Variants in PPL observed in about 807,000 individuals in gnomAD.
PPL encodes the protein periplakin, also known as 190 kDa paraneoplastic pemphigus antigen.
Under a neutral mutation model 194.4 loss-of-function variants are expected in PPL, and 198 were observed. The observed-to-expected ratio is 1.02, with a 90% CI of 0.91 to 1.15. The LOEUF is 1.15. Among genes scored for constraint, PPL ranks in the 50% most tolerant of loss-of-function variants. The pLI, the probability that PPL is intolerant of heterozygous loss-of-function variation, is 0.00. For missense variants in PPL, 2,885 were observed against 2,294.8 expected (o/e 1.26, Z -5.25); for synonymous variants, 1,220 against 972.4 (o/e 1.25, Z -4.74).
At chr16:4,897,961 C>T (rs1341389128) in intron 8 of PPL, among the ~76,000 whole-genome samples, 191 bp from the exon 9 acceptor site, 1 of 152,142 alleles carries the variant, frequency 6.6e-6, no homozygotes, top group Non-Finnish European at 1.5e-5. Context: ...CGTCAAGGAG[C>T]CAAACAGGGA....
intron 1 of PPL, 117 bp downstream of exon 1, chr16:4,936,867 T>C: frequency 9.5e-7 from 1 of 1,057,036 alleles, no homozygotes; most frequent in Non-Finnish European, 1.3e-6. Flanking sequence ...CCGGGTTCAG[T>C]TCCCGGTTCC....
chr16:4,928,600 C>A (rs1281062056), intron 1 of PPL, among the ~76,000 whole-genome samples: 1 of 152,236 alleles, frequency 6.6e-6, no homozygotes, highest in Non-Finnish European at 1.5e-5. Context: ...TTTAGGGTTT[C>A]AAATTCTCTG....
intron 21 of PPL, among the ~76,000 whole-genome samples, chr16:4,886,288 C>G (rs1462042917): frequency 6.6e-6 from 1 of 152,200 alleles, no homozygotes; most frequent in Non-Finnish European, 1.5e-5. Context: ...ACCACGGTCT[C>G]CCACCTCTGG....
At chr16:4,896,546 C>T (rs531089184) in intron 9 of PPL, among the ~76,000 whole-genome samples, 1 of 151,960 alleles carries the variant, frequency 6.6e-6, no homozygotes, top group Admixed American at 6.6e-5. Context: ...ACTTCTGGAA[C>T]AGGCAAGTCC....
In PPL at chr16:4,890,983, C is replaced by T. The variant is rs568371243; in HGVS notation, c.1969-62G>A. The T allele has an allele frequency of 2.3e-4, 328 of 1,406,078 alleles. 6 individuals carry two copies. The South Asian group carries it at 2.9e-3, about 12-fold the overall frequency. The allele number at this position is 1,406,078 out of a possible 1,614,324, so 87.1% of individuals were successfully genotyped here. On this transcript the variant is annotated intron_variant, in intron 16 of 21. Transcript: ENST00000345988. Reference sequence around the variant, plus strand: ...CAGAGCTCCCAGAGCCAGGCGATGACACCCACTGAAGCCCCTGGGCCACTG... The same window carrying T: ...CAGAGCTCCCAGAGCCAGGCGATGATACCCACTGAAGCCCCTGGGCCACTG...
At position 4,902,295 on chromosome 16, in the gene PPL, G is replaced by C; in HGVS notation, c.438+111C>G. 1 of 1,498,920 alleles carries C rather than the reference G, an allele frequency of 6.7e-7. No individual in the cohort carries two copies. The highest frequency in any genetic ancestry group is 9.0e-7 in the Non-Finnish European group (1 of 1,112,156). 92.9% of individuals were successfully genotyped at this position (1,498,920 alleles called of 1,614,324 possible). A position where few individuals can be genotyped will look rare whatever the true frequency, so the allele number is the denominator to read the frequency against. On this transcript the variant is annotated intron_variant, in intron 4 of 21. Coordinates refer to ENST00000345988, the MANE Select transcript of PPL (RefSeq NM_002705.5). This position sits in a 1 kb window ranked among gnomAD's most constrained non-coding sequence, Gnocchi z 4.0. The stretch of plus-strand genomic sequence containing the variant: ...CTGGAAAACCATCAGGACCACGACT[G>C]TCTCCCTGGTAAGACCCGGGATGCC...
chr16:4,888,522 A>G (rs2088255517), intron 19 of PPL, among the ~76,000 whole-genome samples: 1 of 152,142 alleles, frequency 6.6e-6, no homozygotes. Flanking sequence ...TGCTTTTAAC[A>G]TCGTACCATA....
chr16:4,916,540 C>G (rs1159970860), intron 1 of PPL, among the ~76,000 whole-genome samples: 4 of 152,064 alleles, frequency 2.6e-5, no homozygotes, highest in African/African-American at 9.7e-5. Context: ...GGGTCTCACT[C>G]TGTTGCCCAG....
At chr16:4,908,193 A>G (rs1184224955) in intron 2 of PPL, among the ~76,000 whole-genome samples, 1 of 150,706 alleles carries the variant, frequency 6.6e-6, no homozygotes, top group East Asian at 2.0e-4. Flanking sequence ...AAAGAAAGAA[A>G]GAAAAAATTG....
intron 8 of PPL, 31 bp from the exon 9 acceptor site, chr16:4,897,801 T>G (rs747536178): frequency 1.9e-6 from 3 of 1,582,514 alleles, no homozygotes; most frequent in Non-Finnish European, 2.6e-6. Context: ...CGGTCACCAC[T>G]GGGCAGGTAC....
At chr16:4,898,046 A>G (rs1198574745) in intron 8 of PPL, among the ~76,000 whole-genome samples, 2 of 152,210 alleles carry the variant, frequency 1.3e-5, no homozygotes, top group East Asian at 3.9e-4. Context: ...GCAAATCTGT[A>G]CAAAGGCACT....
chr16:4,915,255 C>G (rs945778073), intron 1 of PPL, among the ~76,000 whole-genome samples: 2 of 152,222 alleles, frequency 1.3e-5, no homozygotes, highest in African/African-American at 4.8e-5. Context: ...CCTGATGGGA[C>G]AAAGCTGTGA....
chr16:4,932,188 T>G (rs1220461385), intron 1 of PPL, among the ~76,000 whole-genome samples: 1 of 151,846 alleles, frequency 6.6e-6, no homozygotes. Flanking sequence ...CACTTCCACC[T>G]GCATGGCAGG....
chr16:4,895,111 G>A, intron 11 of PPL, 150 bp downstream of exon 11: 2 of 1,035,488 alleles, frequency 1.9e-6, no homozygotes, highest in Middle Eastern at 2.4e-4. Flanking sequence ...AGGGGTGCCA[G>A]TTGGCCTGCA....
intron 19 of PPL, chr16:4,888,667 T>G (rs1462889406): frequency 7.4e-6 from 3 of 405,684 alleles, no homozygotes; most frequent in African/African-American, 2.0e-5. Context: ...CGTACTAGTT[T>G]TGCTATTGTA....
Position 4,884,024 on chromosome 16 carries a change from A to G in PPL, c.4631T>C (p.Leu1544Pro). Residue 1544 changes from leucine to proline, a missense_variant, in exon 22 of 22, where the codon CTT becomes CCT. Transcript: ENST00000345988. The surrounding 1 kb of genome is among the most constrained non-coding windows in gnomAD (Gnocchi z 5.7). ...DVEVSRLEAR[L>P]SELEFHNSKS... ...GGAGTTATGGAATTCCAGCTCCGAA[A>G]GCCTGGCTTCCAGCCGGCTCACCTC... is the stretch of plus-strand genomic sequence containing the variant. 1 of 1,613,818 alleles carries G rather than the reference A, an allele frequency of 6.2e-7. No homozygotes were observed. Among genetic ancestry groups the G allele is most frequent in the South Asian group, 1.1e-5 (1 of 91,090 alleles).
chr16:4,886,000 C>A lies in PPL; in HGVS notation c.2655G>T (p.Pro885=). 1 of 1,613,932 alleles carries A rather than the reference C, an allele frequency of 6.2e-7. No homozygotes were observed. The highest frequency in any genetic ancestry group is 8.5e-7 in the Non-Finnish European group (1 of 1,180,024). The stretch of plus-strand genomic sequence containing the variant: ...TCCACGCCTCCTCCACTCCAGAGTC[C>A]GGCCTATTCCTTTGCAGGGTCTCAT... The part of the protein sequence containing the change: ...VTHETLQRNR[P]DSGVEEAWKI... Residue 885 remains proline, a synonymous_variant, in exon 22 of 22, where the codon CCG becomes CCT. Transcript: ENST00000345988. The surrounding 1 kb of genome is among the most constrained non-coding windows in gnomAD (Gnocchi z 6.3).
At position 4,886,001 on chromosome 16, in the gene PPL, G is replaced by T; in HGVS notation, c.2654C>A (p.Pro885Gln). 1.2e-6 allele frequency: 2 copies of T among 1,613,898 alleles called. No homozygotes were observed. Among genetic ancestry groups the T allele is most frequent in the South Asian group, 2.2e-5 (2 of 91,074 alleles). ...CCACGCCTCCTCCACTCCAGAGTCC[G>T]GCCTATTCCTTTGCAGGGTCTCATG... ...VTHETLQRNRPDSGVEEAWKI... is the reference protein window; with the variant it reads ...VTHETLQRNRQDSGVEEAWKI... The change falls in exon 22 of 22, where the codon CCG becomes CAG. Residue 885 changes from proline to glutamine, a missense_variant. Coordinates refer to ENST00000345988, the MANE Select transcript of PPL (RefSeq NM_002705.5).
At chr16:4,919,183 C>T (rs1224295659) in intron 1 of PPL, among the ~76,000 whole-genome samples, 2 of 152,176 alleles carry the variant, frequency 1.3e-5, no homozygotes, top group Admixed American at 6.5e-5. Flanking sequence ...GGGCAGTGGC[C>T]GCTGGCCCTC....
Sources: allele counts gnomAD v4.1 joint callset (sites outside exome capture counted in the v4.1 genomes callset), GRCh38; gene constraint gnomAD v4.1.1; non-coding constraint Gnocchi (gnomAD v3.1); transcripts MANE v1.5; gene names NCBI Gene and HGNC (gene_info 2026-07-23, HGNC 2026-07-21).